The following LRMDA variants were observed in gnomAD, a reference collection of about 807,000 sequenced individuals.
LRMDA encodes the protein leucine rich melanocyte differentiation associated, also known as leucine-rich melanocyte differentiation-associated protein.
LRMDA carries 18 observed loss-of-function variants against 29.8 expected under a neutral mutation model. The ratio of observed to expected loss-of-function variants is 0.60; its 90% CI spans 0.42 to 0.90. LRMDA has a LOEUF of 0.90. Ranked by LOEUF, LRMDA falls within the 40% of genes least tolerant of loss-of-function variation. The pLI, the probability that LRMDA is intolerant of heterozygous loss-of-function variation, is 0.00. For missense variants in LRMDA, 273 were observed against 273.9 expected (o/e 1.00, Z 0.02); for synonymous variants, 125 against 109.4 (o/e 1.14, Z -0.89).
At chr10:76,313,039 T>C (rs1287684772) in intron 5 of LRMDA, among the ~76,000 whole-genome samples, 2 of 152,074 alleles carry the variant, frequency 1.3e-5, no homozygotes, top group African/African-American at 2.4e-5. Context: ...TTTACCTTTA[T>C]TGGGAAGGGA....
At chr10:75,953,749 A>G (rs891734815) in intron 2 of LRMDA, among the ~76,000 whole-genome samples, 3 of 152,124 alleles carry the variant, frequency 2.0e-5, no homozygotes, top group East Asian at 1.9e-4. Context: ...GGTCACTCCT[A>G]TAGTTCACAG....
At chr10:76,489,464 C>A (rs1395370326) in intron 6 of LRMDA, among the ~76,000 whole-genome samples, 2 of 151,742 alleles carry the variant, frequency 1.3e-5, no homozygotes, top group African/African-American at 2.4e-5. Context: ...AAAAAACAAG[C>A]TTTAATTTCA....
intron 2 of LRMDA, among the ~76,000 whole-genome samples, chr10:75,562,418 T>A (rs1564801287): frequency 6.6e-6 from 1 of 152,098 alleles, no homozygotes. Context: ...TTTGAGCCTA[T>A]GTGTGTCTCT....
chr10:75,451,778 C>T (rs1331941660), intron 2 of LRMDA: 1 of 151,806 alleles, frequency 6.6e-6, no homozygotes, highest in African/African-American at 2.4e-5. Flanking sequence ...GTTAATTTAG[C>T]TACATCAAGC....
intron 2 of LRMDA, among the ~76,000 whole-genome samples, chr10:75,746,321 A>G (rs1423841089): frequency 1.2e-4 from 18 of 152,228 alleles, no homozygotes; most frequent in Admixed American, 1.2e-3. Context: ...TCTCCCTGCA[A>G]ACTAGTTTGG....
intron 5 of LRMDA, among the ~76,000 whole-genome samples, chr10:76,271,947 G>A (rs1840073003): frequency 6.6e-6 from 1 of 152,160 alleles, no homozygotes. Flanking sequence ...CTTTGTTCAG[G>A]GAGAAAGAAG....
At chr10:75,827,987 T>C (rs937813999) in intron 2 of LRMDA, among the ~76,000 whole-genome samples, 7 of 152,282 alleles carry the variant, frequency 4.6e-5, no homozygotes, top group Middle Eastern at 6.8e-3. Flanking sequence ...GCAATTATCT[T>C]TGGGGAACGC....
rs552401161 is a variant in LRMDA, at chr10:75,508,265, T to C, written c.131+69771T>C. ...AGAGGCAAATTATGGTGGTGTTTTT[T>C]TCCCCCCCTCTCCCTTCCACCATTA... On this transcript the variant is annotated intron_variant, in intron 2 of 6. Coordinates refer to ENST00000611255, the MANE Select transcript of LRMDA (RefSeq NM_001305581.2). Among the ~76,000 whole-genome samples the C allele has an allele frequency of 8.7e-3, 1,317 of 152,254 alleles. 9 individuals are homozygous for C. Among genetic ancestry groups the C allele is most frequent in the Non-Finnish European group, 0.016 (1,058 of 68,024 alleles).
At chr10:76,215,552 T>G (rs1412154276) in intron 5 of LRMDA, among the ~76,000 whole-genome samples, 2 of 150,772 alleles carry the variant, frequency 1.3e-5, no homozygotes, top group Non-Finnish European at 3.0e-5. Context: ...AAAAAAAAAG[T>G]GTGCATCCGT....
chr10:76,103,103 C>T (rs993622554), intron 5 of LRMDA, among the ~76,000 whole-genome samples: 1 of 152,052 alleles, frequency 6.6e-6, no homozygotes, highest in African/African-American at 2.4e-5. Context: ...GTTTGTCTTC[C>T]CAGAGGGCCC....
At position 75,851,002 on chromosome 10, in the gene LRMDA, T is replaced by C. The variant is rs528490155; in HGVS notation, c.132-185006T>C. Among the ~76,000 whole-genome samples, 7 of 152,280 alleles carry C rather than the reference T, an allele frequency of 4.6e-5. No individual in the cohort carries two copies. In the South Asian group the frequency reaches 1.5e-3, roughly 32 times the overall value. On this transcript the variant is annotated intron_variant, in intron 2 of 6. Transcript: ENST00000611255. ...AGTAAAATAACAGCTTTAAAAAAAATTGTTTTTTTAACCCCGCCTGGAAGA... is the reference window on the plus strand; with the variant it reads ...AGTAAAATAACAGCTTTAAAAAAAACTGTTTTTTTAACCCCGCCTGGAAGA...
chr10:76,238,546 C>T (rs1852205675), intron 5 of LRMDA, among the ~76,000 whole-genome samples: 1 of 141,666 alleles, frequency 7.1e-6, no homozygotes, highest in African/African-American at 2.6e-5. Context: ...ATTTACAGGG[C>T]ATGTCCCATG....
intron 2 of LRMDA, among the ~76,000 whole-genome samples, chr10:75,938,303 C>T (rs1025444852): frequency 1.3e-5 from 2 of 152,164 alleles, no homozygotes; most frequent in Admixed American, 1.3e-4. Context: ...ATAAATTTGC[C>T]ACGTTACCTC....
intron 2 of LRMDA, among the ~76,000 whole-genome samples, chr10:75,970,696 T>C (rs1846950942): frequency 6.6e-6 from 1 of 152,134 alleles, no homozygotes; most frequent in Non-Finnish European, 1.5e-5. Context: ...TTAGGAAGGG[T>C]TGAAGATGGG....
chr10:75,961,310 A>G (rs1846762074), intron 2 of LRMDA, among the ~76,000 whole-genome samples: 1 of 152,252 alleles, frequency 6.6e-6, no homozygotes, highest in Non-Finnish European at 1.5e-5. Flanking sequence ...TTTCCATATA[A>G]TTACATATTC....
intron 2 of LRMDA, among the ~76,000 whole-genome samples, chr10:75,755,017 T>C (rs7896396): frequency 0.35 from 52,739 of 151,970 alleles, 15,550 homozygotes; most frequent in African/African-American, 0.81. Flanking sequence ...AGCTTTTGTT[T>C]TTGACCTCAT....
chr10:75,971,106 G>A (rs1000829414), intron 2 of LRMDA, among the ~76,000 whole-genome samples: 1 of 152,142 alleles, frequency 6.6e-6, no homozygotes, highest in Non-Finnish European at 1.5e-5. Context: ...CTCTTCCATA[G>A]TGAGTGGTTT....
chr10:76,085,056 A>G (rs1346281576), intron 5 of LRMDA, among the ~76,000 whole-genome samples: 1 of 152,072 alleles, frequency 6.6e-6, no homozygotes, highest in East Asian at 1.9e-4. Context: ...TGCCACTGGG[A>G]TTTTTGCTTC....
In LRMDA at chr10:76,096,543, A is replaced by G. The variant is rs139465357; in HGVS notation, c.516+37760A>G. ...ATAGTGTATTTTGAAATCAAGTAGT[A>G]GAAGTCCTCTGATTTTGTACTTTTT... On this transcript the variant is annotated intron_variant, in intron 5 of 6. Coordinates refer to ENST00000611255, the MANE Select transcript of LRMDA (RefSeq NM_001305581.2). 2.6e-4 allele frequency among the ~76,000 whole-genome samples: 39 copies of G among 152,256 alleles called. No individual in the cohort carries two copies. In the East Asian group the frequency reaches 7.0e-3, roughly 27 times the overall value.
Sources: allele counts gnomAD v4.1 joint callset (sites outside exome capture counted in the v4.1 genomes callset), GRCh38; gene constraint gnomAD v4.1.1; transcripts MANE v1.5; gene names NCBI Gene and HGNC (gene_info 2026-07-23, HGNC 2026-07-21).